PIEZO2: variants seen among roughly 807,000 people sequenced by gnomAD.
PIEZO2 encodes piezo type mechanosensitive ion channel component 2.
In PIEZO2, 172 loss-of-function variants were observed where a neutral mutation model predicts 337.3. The observed-to-expected ratio is 0.51, with a 90% CI of 0.45 to 0.58. PIEZO2 has a LOEUF of 0.58. Among genes scored for constraint, PIEZO2 ranks in the 20% least tolerant of loss-of-function variants. The pLI is 0.00. For synonymous variants in PIEZO2, 1,251 were observed against 1,228.5 expected (o/e 1.02, Z -0.38); for missense variants, 3,028 against 3,391.3 (o/e 0.89, Z 2.66).
At chr18:10,917,316 A>G (rs2031057300) in intron 3 of PIEZO2, among the ~76,000 whole-genome samples, 1 of 152,116 alleles carries the variant, frequency 6.6e-6, no homozygotes. Context: ...TAGACAAGTT[A>G]CCCTTCAGTC....
rs2037013859 is a variant in PIEZO2, at chr18:11,038,831, A to G, written c.160+27296T>C. On this transcript the variant is annotated intron_variant, in intron 2 of 55. Transcript: ENST00000674853. This position sits in a 1 kb window ranked among gnomAD's most constrained non-coding sequence, Gnocchi z 4.1. Reference sequence around the variant, plus strand: ...AGACACAAATTAGATAACATATGAAACTTAAAAAATCTATAAAGGGCTATG... The same window carrying G: ...AGACACAAATTAGATAACATATGAAGCTTAAAAAATCTATAAAGGGCTATG... Among the ~76,000 whole-genome samples the G allele has an allele frequency of 6.6e-6, 1 of 152,206 alleles. No homozygotes were observed. Among genetic ancestry groups the G allele is most frequent in the East Asian group, 1.9e-4 (1 of 5,198 alleles).
At chr18:10,796,097 A>G (rs1347233246) in intron 12 of PIEZO2, among the ~76,000 whole-genome samples, 1 of 151,788 alleles carries the variant, frequency 6.6e-6, no homozygotes, top group East Asian at 1.9e-4. Context: ...GGGCTTGGTG[A>G]CTCATGCCTG....
intron 36 of PIEZO2, chr18:10,725,121 C>A (rs1294971659): frequency 3.4e-6 from 5 of 1,466,328 alleles, no homozygotes; most frequent in Non-Finnish European, 4.8e-6. Context: ...AGTTCGAGTA[C>A]CAGGAGCCCA....
intron 21 of PIEZO2, among the ~76,000 whole-genome samples, chr18:10,764,401 G>T (rs936610714): frequency 3.9e-5 from 6 of 152,032 alleles, no homozygotes; most frequent in African/African-American, 1.4e-4. Flanking sequence ...TAGCACTTTG[G>T]GAGGCCAAGG....
chr18:11,004,784 A>G (rs1443913914), intron 2 of PIEZO2, among the ~76,000 whole-genome samples: 1 of 152,226 alleles, frequency 6.6e-6, no homozygotes, highest in African/African-American at 2.4e-5. Flanking sequence ...GTGAATTGTC[A>G]TGACATTCAA....
intron 3 of PIEZO2, among the ~76,000 whole-genome samples, chr18:10,960,009 C>T (rs116730222): frequency 2.0e-5 from 3 of 152,106 alleles, no homozygotes; most frequent in South Asian, 4.2e-4. Flanking sequence ...TATATATAGA[C>T]GTTCATCTTT....
chr18:10,799,667 A>T (rs971761494), intron 11 of PIEZO2, among the ~76,000 whole-genome samples: 12 of 152,148 alleles, frequency 7.9e-5, no homozygotes, highest in African/African-American at 2.9e-4. Context: ...AATGGACAAA[A>T]AAAAGGACTC....
rs563970663 is a variant in PIEZO2 at position 10,993,807 on chromosome 18, G to A, written c.161-14147C>T. On this transcript the variant is annotated intron_variant, in intron 2 of 55. Coordinates refer to ENST00000674853, the MANE Select transcript of PIEZO2 (RefSeq NM_001378183.1). The surrounding 1 kb of genome is among the most constrained non-coding windows in gnomAD (Gnocchi z 5.0). ...CTCCCAAAGTGCTGGGATTACAGGCGTGAGCCACCGCTCCTGGCCATGTCT... is the reference window on the plus strand; with the variant it reads ...CTCCCAAAGTGCTGGGATTACAGGCATGAGCCACCGCTCCTGGCCATGTCT... 2.6e-5 allele frequency among the ~76,000 whole-genome samples: 4 copies of A among 152,074 alleles called. No homozygotes were observed. The highest frequency in any genetic ancestry group is 5.9e-5 in the Non-Finnish European group (4 of 68,030).
chr18:10,726,637 G>A lies in PIEZO2; in HGVS notation c.5029+4770C>T. The A allele has an allele frequency of 1.4e-6, 2 of 1,398,910 alleles. No individual in the cohort carries two copies. Among genetic ancestry groups the A allele is most frequent in the Non-Finnish European group, 1.9e-6 (2 of 1,037,910 alleles). The allele number at this position is 1,398,910 out of a possible 1,614,324, so 86.7% of individuals were successfully genotyped here. Reference sequence around the variant, plus strand: ...CGCCGACGTGCGCTGGGAGTACTGCGCGCGCGCCAAGCGCGGCCAGACAGA... The same window carrying A: ...CGCCGACGTGCGCTGGGAGTACTGCACGCGCGCCAAGCGCGGCCAGACAGA... On this transcript the variant is annotated intron_variant, in intron 36 of 55. Coordinates refer to ENST00000674853, the MANE Select transcript of PIEZO2 (RefSeq NM_001378183.1). This position sits in a 1 kb window ranked among gnomAD's most constrained non-coding sequence, Gnocchi z 5.9.
At chr18:10,961,966 G>T (rs769913755) in intron 3 of PIEZO2, among the ~76,000 whole-genome samples, 3 of 152,128 alleles carry the variant, frequency 2.0e-5, no homozygotes, top group Non-Finnish European at 4.4e-5. Flanking sequence ...AAGAGTGTTG[G>T]CTTTCCCTGG....
intron 7 of PIEZO2, among the ~76,000 whole-genome samples, chr18:10,851,552 T>G (rs1598582799): frequency 6.6e-6 from 1 of 152,218 alleles, no homozygotes; most frequent in Non-Finnish European, 1.5e-5. Context: ...CTATTAGAAC[T>G]GTTAATATCT....
intron 2 of PIEZO2, among the ~76,000 whole-genome samples, chr18:11,044,615 T>C (rs1231927924): frequency 1.3e-5 from 2 of 152,222 alleles, no homozygotes; most frequent in Admixed American, 6.5e-5. Flanking sequence ...GGTCGTACTT[T>C]CCTTTTTCAA....
intron 7 of PIEZO2, among the ~76,000 whole-genome samples, chr18:10,814,003 T>C (rs1479722584): frequency 6.6e-6 from 1 of 151,930 alleles, no homozygotes; most frequent in East Asian, 1.9e-4. Context: ...AGTTTTGCTC[T>C]GTGGCCCAGG....
intron 3 of PIEZO2, among the ~76,000 whole-genome samples, chr18:10,920,933 A>T (rs1444111310): frequency 6.6e-6 from 1 of 152,048 alleles, no homozygotes; most frequent in Non-Finnish European, 1.5e-5. Flanking sequence ...GGTGCCTGTA[A>T]TCCTAGCTGT....
chr18:10,689,610 C>T lies in PIEZO2; in HGVS notation c.7497+45G>A, dbSNP rs1331941090. 3 of 1,612,942 alleles carry T rather than the reference C, an allele frequency of 1.9e-6. No homozygotes were observed. The African/African-American group carries it at 4.0e-5, about 22-fold the overall frequency. On this transcript the variant is annotated intron_variant, in intron 49 of 55. Coordinates refer to ENST00000674853, the MANE Select transcript of PIEZO2 (RefSeq NM_001378183.1). ...CATTCATCTTATAACCAGCCTGTAT[C>T]TAAGAGAAGCAGACAGGAATAAGGC... is the stretch of plus-strand genomic sequence containing the variant.
At chr18:11,019,148 C>A (rs1418828976) in intron 2 of PIEZO2, among the ~76,000 whole-genome samples, 3 of 152,164 alleles carry the variant, frequency 2.0e-5, no homozygotes, top group Non-Finnish European at 4.4e-5. Flanking sequence ...CCAAGGCTAC[C>A]CCAATTCTAC....
chr18:11,050,898 A>T (rs925303664), intron 2 of PIEZO2, among the ~76,000 whole-genome samples: 9 of 114,478 alleles, frequency 7.9e-5, no homozygotes, highest in South Asian at 2.8e-4. Flanking sequence ...TACCAGGTTT[A>T]AAAAAAAAAA....
At chr18:11,115,249 C>A (rs768615972) in intron 1 of PIEZO2, among the ~76,000 whole-genome samples, 2 of 152,302 alleles carry the variant, frequency 1.3e-5, no homozygotes, top group Non-Finnish European at 2.9e-5. Context: ...ATTTGCTACA[C>A]ATTTGCTAAT....
At chr18:10,858,104 G>A (rs1192572925) in intron 5 of PIEZO2, among the ~76,000 whole-genome samples, 9 of 149,778 alleles carry the variant, frequency 6.0e-5, no homozygotes, top group South Asian at 2.1e-4. Flanking sequence ...GCCAGATCAC[G>A]AAGTCAAGAG....
Sources: allele counts gnomAD v4.1 joint callset (sites outside exome capture counted in the v4.1 genomes callset), GRCh38; gene constraint gnomAD v4.1.1; non-coding constraint Gnocchi (gnomAD v3.1); transcripts MANE v1.5; gene names NCBI Gene and HGNC (gene_info 2026-07-23, HGNC 2026-07-21).